Variants in CSMD1 observed in about 807,000 individuals in gnomAD.
CSMD1 encodes CUB and Sushi multiple domains 1, also known as CUB and sushi domain-containing protein 1.
Under a neutral mutation model 417.5 loss-of-function variants are expected in CSMD1, and 213 were observed. The observed-to-expected ratio is 0.51, with a 90% CI of 0.46 to 0.57. CSMD1 has a LOEUF of 0.57. CSMD1 is among the 20% of genes least tolerant of loss of function. The pLI is 0.00. For synonymous variants in CSMD1, 2,862 were observed against 1,736.8 expected (o/e 1.65, Z -16.11); for missense variants, 6,923 against 4,529.7 (o/e 1.53, Z -15.17).
intron 1 of CSMD1, among the ~76,000 whole-genome samples, chr8:4,697,997 C>T (rs1271867778): frequency 6.6e-6 from 1 of 152,158 alleles, no homozygotes; most frequent in African/African-American, 2.4e-5. Context: ...CTAGATCTTA[C>T]ATCGAACACT....
intron 10 of CSMD1, among the ~76,000 whole-genome samples, chr8:3,528,743 A>T: frequency 6.6e-6 from 1 of 152,226 alleles, no homozygotes; most frequent in East Asian, 1.9e-4. Context: ...GAATGTTCCA[A>T]TTGCTGAGAC....
At chr8:4,244,538 T>C (rs560540282) in intron 3 of CSMD1, among the ~76,000 whole-genome samples, 2 of 151,034 alleles carry the variant, frequency 1.3e-5, no homozygotes, top group South Asian at 2.1e-4. Flanking sequence ...ATTTTCTTTC[T>C]TTTTTCTTAT....
intron 7 of CSMD1, among the ~76,000 whole-genome samples, chr8:3,670,590 GAT>G (rs1166742999): frequency 3.4e-5 from 5 of 145,730 alleles, no homozygotes; most frequent in African/African-American, 1.3e-4. Context: ...TATATATGGG[GAT>G]ATATATATTG....
At chr8:4,279,458 A>G (rs138648363) in intron 3 of CSMD1, among the ~76,000 whole-genome samples, 2,832 of 152,296 alleles carry the variant, frequency 0.019, 47 homozygotes, top group Non-Finnish European at 0.028. Flanking sequence ...AAGTCCCAGT[A>G]GCCCATTTAA....
At chr8:4,904,780 A>G (rs571695641) in intron 1 of CSMD1, among the ~76,000 whole-genome samples, 1 of 152,286 alleles carries the variant, frequency 6.6e-6, no homozygotes, top group African/African-American at 2.4e-5. Flanking sequence ...AAACTTCAGC[A>G]GTTATTTTGG....
At chr8:3,951,092 A>T (rs1285197732) in intron 5 of CSMD1, among the ~76,000 whole-genome samples, 1 of 152,230 alleles carries the variant, frequency 6.6e-6, no homozygotes, top group Non-Finnish European at 1.5e-5. Context: ...TTTATACATT[A>T]ATCTGAAAGA....
intron 10 of CSMD1, among the ~76,000 whole-genome samples, chr8:3,572,259 C>T (rs111336810): frequency 6.6e-6 from 1 of 152,176 alleles, no homozygotes; most frequent in East Asian, 1.9e-4. Context: ...AAGACTCCTG[C>T]AGGCTTTGCA....
chr8:3,709,531 A>C (rs951774740), intron 6 of CSMD1, among the ~76,000 whole-genome samples: 2 of 152,018 alleles, frequency 1.3e-5, no homozygotes, highest in East Asian at 1.9e-4. Context: ...TTAACATTTG[A>C]ATCAGCTGAC....
At chr8:4,128,859 TCTGTGCATGCG>T (rs1481082787) in intron 3 of CSMD1, among the ~76,000 whole-genome samples, 4 of 152,044 alleles carry the variant, frequency 2.6e-5, no homozygotes, top group Non-Finnish European at 5.9e-5. Context: ...TGTTACAGGC[TCTGTGCATGCG>T]CTGTATCATG....
At chr8:4,754,359 C>T (rs1811533974) in intron 1 of CSMD1, among the ~76,000 whole-genome samples, 1 of 152,150 alleles carries the variant, frequency 6.6e-6, no homozygotes, top group African/African-American at 2.4e-5. Context: ...GGCTACAGCG[C>T]TATCCCACCC....
chr8:4,604,897 T>G (rs1278152832), intron 2 of CSMD1, among the ~76,000 whole-genome samples: 1 of 152,212 alleles, frequency 6.6e-6, no homozygotes, highest in East Asian at 1.9e-4. Flanking sequence ...CTGACGGTGT[T>G]CGGGGTTCAG....
chr8:3,516,728 G>C lies in CSMD1; in HGVS notation c.1345-23002C>G, dbSNP rs74854262. Among the ~76,000 whole-genome samples the C allele has an allele frequency of 2.9e-3, 437 of 152,026 alleles. 5 individuals are homozygous for C. Among genetic ancestry groups the C allele is most frequent in the East Asian group, 0.014 (72 of 5,160 alleles). On this transcript the variant is annotated intron_variant, in intron 10 of 69. Coordinates refer to ENST00000635120, the MANE Select transcript of CSMD1 (RefSeq NM_033225.6). ...TTTGGTGGAGATTTGTGATATTTTG[G>C]GGCATGCCTCACCACAGCAGTATAC... is the stretch of plus-strand genomic sequence containing the variant.
At chr8:3,138,796 G>T (rs532072328) in intron 41 of CSMD1, among the ~76,000 whole-genome samples, 6 of 152,210 alleles carry the variant, frequency 3.9e-5, no homozygotes, top group Admixed American at 3.9e-4. Flanking sequence ...ACAGAAATAA[G>T]AGCTTAGCCA....
intron 2 of CSMD1, among the ~76,000 whole-genome samples, chr8:4,591,225 G>T (rs1799967700): frequency 6.6e-6 from 1 of 152,202 alleles, no homozygotes; most frequent in Non-Finnish European, 1.5e-5. Flanking sequence ...AATAAGCAAT[G>T]ATCTCTAATA....
chr8:3,972,034 G>A (rs1021477388), intron 5 of CSMD1, among the ~76,000 whole-genome samples: 1 of 152,006 alleles, frequency 6.6e-6, no homozygotes, highest in East Asian at 1.9e-4. Context: ...AACCTCCTAA[G>A]TAATTTGTAA....
chr8:4,202,907 G>A (rs1318747796), intron 3 of CSMD1, among the ~76,000 whole-genome samples: 1 of 152,194 alleles, frequency 6.6e-6, no homozygotes, highest in Non-Finnish European at 1.5e-5. Context: ...GGACTGTGTG[G>A]ACACCTGGAG....
chr8:4,737,256 G>T (rs984571779), intron 1 of CSMD1, among the ~76,000 whole-genome samples: 13 of 152,012 alleles, frequency 8.6e-5, no homozygotes, highest in Admixed American at 6.6e-4. Flanking sequence ...AATAGTGCAC[G>T]TTCTCACTTA....
intron 2 of CSMD1, among the ~76,000 whole-genome samples, chr8:4,468,251 TTC>T (rs1436754798): frequency 6.6e-6 from 1 of 152,196 alleles, no homozygotes; most frequent in Non-Finnish European, 1.5e-5. Flanking sequence ...GCTGGCTGAC[TTC>T]TGAGACTCCT....
At chr8:3,642,323 C>A (rs1450548238) in intron 7 of CSMD1, among the ~76,000 whole-genome samples, 1 of 152,156 alleles carries the variant, frequency 6.6e-6, no homozygotes, top group Non-Finnish European at 1.5e-5. Context: ...AGAACTTGCT[C>A]TTTCCCACCT....
Sources: allele counts gnomAD v4.1 joint callset (sites outside exome capture counted in the v4.1 genomes callset), GRCh38; gene constraint gnomAD v4.1.1; transcripts MANE v1.5; gene names NCBI Gene and HGNC (gene_info 2026-07-23, HGNC 2026-07-21).